Variants in CCDC88A observed in about 807,000 individuals in gnomAD.
CCDC88A encodes girdin.
CCDC88A carries 54 observed loss-of-function variants against 234.3 expected under a neutral mutation model. The observed-to-expected ratio is 0.23, with a 90% CI of 0.19 to 0.29. The LOEUF (loss-of-function observed/expected upper bound fraction) is 0.29. Ranked by LOEUF, CCDC88A falls within the 10% of genes least tolerant of loss-of-function variation. The pLI, the probability that CCDC88A is intolerant of heterozygous loss-of-function variation, is 1.00. For missense variants in CCDC88A, 1,832 were observed against 2,123.4 expected, an observed-to-expected ratio of 0.86 and a Z score of 2.70; for synonymous variants, 753 against 737.8, an observed-to-expected ratio of 1.02 and a Z score of -0.33.
At chr2:55,389,163 G>C (rs1378493746) in intron 2 of CCDC88A, among the ~76,000 whole-genome samples, 1 of 151,950 alleles carries the variant, frequency 6.6e-6, no homozygotes, top group Non-Finnish European at 1.5e-5. Context: ...CACATTCCTG[G>C]GATGAATAAC....
At chr2:55,413,629 A>G (rs1165335750) in intron 2 of CCDC88A, among the ~76,000 whole-genome samples, 2 of 152,208 alleles carry the variant, frequency 1.3e-5, no homozygotes, top group African/African-American at 4.8e-5. Flanking sequence ...ATACAGAGAC[A>G]AAAGATAGAG....
chr2:55,380,413 C>T (rs1475784800), intron 3 of CCDC88A, among the ~76,000 whole-genome samples: 3 of 151,258 alleles, frequency 2.0e-5, no homozygotes, highest in East Asian at 3.9e-4. Flanking sequence ...TCTATTCTGG[C>T]GTGAAGACAT....
intron 28 of CCDC88A, chr2:55,300,185 G>T (rs1382681530): frequency 2.7e-6 from 1 of 370,024 alleles, no homozygotes; most frequent in African/African-American, 2.1e-5. Flanking sequence ...TATGCCAGGA[G>T]TGTTTTAGTT....
At position 55,361,183 on chromosome 2, in the gene CCDC88A, A is replaced by G. The variant is rs1671259502; in HGVS notation, c.627+1125T>C. 1.3e-5 allele frequency among the ~76,000 whole-genome samples: 2 copies of G among 152,186 alleles called. 1 individual carries two copies. The highest frequency in any genetic ancestry group is 2.9e-5 in the Non-Finnish European group (2 of 68,026). ...AGAAACTGGAGGATACCTTATTGTA[A>G]TATCTTTAACAACTTGAAATACAAA... is the stretch of plus-strand genomic sequence containing the variant. On this transcript the variant is annotated intron_variant, in intron 7 of 32. Coordinates refer to ENST00000436346, the MANE Select transcript of CCDC88A (RefSeq NM_001365480.1).
chr2:55,381,650 G>A (rs1051083921), intron 3 of CCDC88A, among the ~76,000 whole-genome samples: 2 of 149,546 alleles, frequency 1.3e-5, no homozygotes, highest in Non-Finnish European at 3.0e-5. Context: ...TTGTAAGAAA[G>A]ACTACTTCAC....
At chr2:55,303,356 G>A (rs1171346845) in intron 25 of CCDC88A, among the ~76,000 whole-genome samples, 2 of 151,722 alleles carry the variant, frequency 1.3e-5, no homozygotes, top group Non-Finnish European at 2.9e-5. Flanking sequence ...TAAAATACTT[G>A]GAAAAGCACT....
Position 55,377,111 on chromosome 2 carries a change from C to A in CCDC88A, c.274-2228G>T, listed in dbSNP as rs552856801. On this transcript the variant is annotated intron_variant, in intron 3 of 32. Transcript: ENST00000436346. ...CCTCCCAAAGTGCTGGGATTACAGG[C>A]ATGAGCCACCGTGCCCGGACACTTC... 4.6e-5 allele frequency among the ~76,000 whole-genome samples: 7 copies of A among 151,970 alleles called. No homozygotes were observed. The South Asian group carries it at 1.5e-3, about 32-fold the overall frequency.
chr2:55,345,620 C>T (rs1361932093), intron 10 of CCDC88A: 1 of 152,444 alleles, frequency 6.6e-6, no homozygotes, highest in Non-Finnish European at 1.5e-5. Context: ...TAGTCTCGAA[C>T]CCCTGACCTC....
At chr2:55,380,855 G>T (rs1313436425) in intron 3 of CCDC88A, among the ~76,000 whole-genome samples, 4 of 152,106 alleles carry the variant, frequency 2.6e-5, no homozygotes, top group Non-Finnish European at 5.9e-5. Context: ...GACCTCAAAT[G>T]ATCGCTTGCC....
At chr2:55,373,206 A>T (rs1673095019) in intron 4 of CCDC88A, among the ~76,000 whole-genome samples, 1 of 152,170 alleles carries the variant, frequency 6.6e-6, no homozygotes, top group African/African-American at 2.4e-5. Context: ...AAAAAGTCCA[A>T]ATCTTCTTAT....
intron 31 of CCDC88A, chr2:55,292,250 T>A (rs1679516628): frequency 6.6e-6 from 1 of 152,286 alleles, no homozygotes; most frequent in Non-Finnish European, 1.5e-5. Flanking sequence ...TGTTTATAAT[T>A]TCTAGAAAGC....
chr2:55,295,185 T>C, intron 31 of CCDC88A: 1 of 1,312,180 alleles, frequency 7.6e-7, no homozygotes, highest in Non-Finnish European at 1.0e-6. Flanking sequence ...TATAGAAAAC[T>C]GTAGGTTACT....
At chr2:55,394,927 C>T (rs1229877972) in intron 2 of CCDC88A, among the ~76,000 whole-genome samples, 3 of 152,086 alleles carry the variant, frequency 2.0e-5, no homozygotes, top group Admixed American at 6.5e-5. Flanking sequence ...CTCACTGCAA[C>T]CTCCACCTTC....
chr2:55,297,730 TATTTC>T (rs1680369272), intron 29 of CCDC88A, among the ~76,000 whole-genome samples: 1 of 151,884 alleles, frequency 6.6e-6, no homozygotes, highest in South Asian at 2.1e-4. Context: ...AATTTTATAT[TATTTC>T]AGTATGTTAA....
In CCDC88A at chr2:55,355,924, T is replaced by C. The variant is rs553152661; in HGVS notation, c.628-173A>G. ...TTCTTAACTTTCATTCAACAGTTCATGCATGGGCTACTTAGCAAATGACAC... is the reference window on the plus strand; with the variant it reads ...TTCTTAACTTTCATTCAACAGTTCACGCATGGGCTACTTAGCAAATGACAC... On this transcript the variant is annotated intron_variant, in intron 7 of 32. Transcript: ENST00000436346. 22 of 492,772 alleles carry C rather than the reference T, an allele frequency of 4.5e-5. No homozygotes were observed. In the East Asian group the frequency reaches 6.3e-4, roughly 14 times the overall value. The allele number at this position is 492,772 out of a possible 1,614,324, so 30.5% of individuals were successfully genotyped here.
chr2:55,295,143 A>C, intron 31 of CCDC88A: 1 of 1,306,566 alleles, frequency 7.7e-7, no homozygotes, highest in Non-Finnish European at 1.0e-6. Flanking sequence ...ATCAGGATAG[A>C]GGCATGCAGA....
chr2:55,374,947 T>A, intron 3 of CCDC88A, 64 bp from the exon 4 acceptor site: 1 of 975,096 alleles, frequency 1.0e-6, no homozygotes, highest in Non-Finnish European at 1.6e-6. Context: ...TTCATCAAGC[T>A]ATAACTTATG....
chr2:55,384,636 TATGTGTATATATACATATATATATATATA>T (rs1675274795), intron 3 of CCDC88A, among the ~76,000 whole-genome samples: 1 of 110,176 alleles, frequency 9.1e-6, no homozygotes, highest in African/African-American at 3.6e-5. Context: ...TATATGTATA[TATGTGTATATATACATATATATATATATA>T]TATTTTTTAA....
At chr2:55,305,190 A>AT (rs925575787) in intron 25 of CCDC88A, among the ~76,000 whole-genome samples, 19 of 152,162 alleles carry the variant, frequency 1.2e-4, no homozygotes, top group Admixed American at 9.8e-4. Flanking sequence ...TCTGTTTTTA[A>AT]TTTTTTTCCA....
Sources: allele counts gnomAD v4.1 joint callset (sites outside exome capture counted in the v4.1 genomes callset), GRCh38; gene constraint gnomAD v4.1.1; transcripts MANE v1.5; gene names NCBI Gene and HGNC (gene_info 2026-07-23, HGNC 2026-07-21).